RPA1: variants seen among roughly 807,000 people sequenced by gnomAD.
The protein encoded by RPA1 is replication protein A1, also known as replication protein A 70 kDa DNA-binding subunit.
In RPA1, 49 loss-of-function variants were observed where a neutral mutation model predicts 83.0. The observed-to-expected ratio is 0.59, with a 90% CI of 0.47 to 0.75. The LOEUF (loss-of-function observed/expected upper bound fraction) is 0.75, where lower values mean the gene tolerates loss of function less well. Ranked by LOEUF, RPA1 falls within the 30% of genes least tolerant of loss-of-function variation. The pLI is 0.00. For synonymous variants in RPA1, 279 were observed against 281.8 expected, an observed-to-expected ratio of 0.99 and a Z score of 0.10; for missense variants, 693 against 776.1, an observed-to-expected ratio of 0.89 and a Z score of 1.27.
At chr17:1,866,819 G>T (rs181381850) in intron 5 of RPA1, among the ~76,000 whole-genome samples, 19 of 152,362 alleles carry the variant, frequency 1.2e-4, no homozygotes, top group Middle Eastern at 3.4e-3. Context: ...ACTGTTGTGG[G>T]TTCTTGATTT....
chr17:1,856,590 ACT>A (rs1312553880), intron 5 of RPA1, among the ~76,000 whole-genome samples: 3 of 151,740 alleles, frequency 2.0e-5, no homozygotes, highest in South Asian at 4.2e-4. Context: ...ACAGAATGAG[ACT>A]CTGTCTCAAA....
At chr17:1,876,573 ATAAAG>A (rs1401428327) in intron 7 of RPA1, among the ~76,000 whole-genome samples, 1 of 152,228 alleles carries the variant, frequency 6.6e-6, no homozygotes, top group Non-Finnish European at 1.5e-5. Context: ...AATAAACAAA[ATAAAG>A]TAATTTGAAT....
rs576133430 is a variant in RPA1, at chr17:1,861,175, C to T, written c.361+7986C>T. Among the ~76,000 whole-genome samples, 63 of 152,288 alleles carry T rather than the reference C, an allele frequency of 4.1e-4. 1 individual carries two copies. In the South Asian group the frequency reaches 0.013, roughly 31 times the overall value. On this transcript the variant is annotated intron_variant, in intron 5 of 16. Transcript: ENST00000254719. ...CTCTGCTGACTACCCAGGAAACCTG[C>T]CACCCATTTCTGGAGTTCTCTGTGT...
At chr17:1,876,660 C>G (rs984578571) in intron 7 of RPA1, among the ~76,000 whole-genome samples, 1 of 152,124 alleles carries the variant, frequency 6.6e-6, no homozygotes, top group South Asian at 2.1e-4. Context: ...TACTCTGTAA[C>G]GTAGGAAAGA....
At chr17:1,867,645 A>T (rs1055528984) in intron 5 of RPA1, among the ~76,000 whole-genome samples, 1 of 152,152 alleles carries the variant, frequency 6.6e-6, no homozygotes, top group African/African-American at 2.4e-5. Flanking sequence ...CAGGAGGTCA[A>T]GGCTGCAGTG....
chr17:1,879,443 C>A, intron 10 of RPA1, 36 bp downstream of exon 10: 1 of 1,611,530 alleles, frequency 6.2e-7, no homozygotes, highest in Non-Finnish European at 8.5e-7. Context: ...GCAGGGATGA[C>A]TAGCTTTCTT....
chr17:1,839,798 T>TTG lies in RPA1; in HGVS notation c.34-3004_34-3003insGT, dbSNP rs1197215071. On this transcript the variant is annotated intron_variant, in intron 1 of 16. Transcript: ENST00000254719. ...GACTGCGCCCAGCTAGTTTTTTTTT[T>TTG]TTTTTTTTTTTTTTTGAGACAGGGC... is the stretch of plus-strand genomic sequence containing the variant. Among the ~76,000 whole-genome samples, 456 of 137,162 alleles carry TTG rather than the reference T, an allele frequency of 3.3e-3. 6 individuals are homozygous for TTG. The highest frequency in any genetic ancestry group is 0.013 in the African/African-American group (438 of 32,528). The allele number at this position is 137,162 out of a possible 152,430, so 90.0% of individuals were successfully genotyped here. A position where few individuals can be genotyped will look rare whatever the true frequency, so the allele number is the denominator to read the frequency against.
At position 1,874,024 on chromosome 17, in the gene RPA1, T is replaced by TAC. The variant is rs1364758006; in HGVS notation, c.454+1499_454+1500insCA. Among the ~76,000 whole-genome samples the TAC allele has an allele frequency of 6.4e-3, 711 of 111,056 alleles. 5 individuals carry two copies. The highest frequency in any genetic ancestry group is 8.9e-3 in the Non-Finnish European group (522 of 58,630). The allele number at this position is 111,056 out of a possible 152,430, so 72.9% of individuals were successfully genotyped here. A position where few individuals can be genotyped will look rare whatever the true frequency, so the allele number is the denominator to read the frequency against. On this transcript the variant is annotated intron_variant, in intron 6 of 16. Transcript: ENST00000254719. Reference sequence around the variant, plus strand: ...AAAAAAAAAAAAAAATATATATATATATATATATACACACACACACACACA... The same window carrying TAC: ...AAAAAAAAAAAAAAATATATATATATACATATATATACACACACACACACACA...
chr17:1,891,880 G>A lies in RPA1; in HGVS notation c.1599G>A (p.Gln533=), dbSNP rs1914216023. The A allele has an allele frequency of 6.2e-7, 1 of 1,607,682 alleles. No homozygotes were observed. The highest frequency in any genetic ancestry group is 1.3e-5 in the African/African-American group (1 of 74,832). ...AGAATCAGTGGGTGACTTGTTTCCA[G>A]GAGTCTGCTGAAGCTATCCTTGGAC... The part of the protein sequence containing the change: ...FQENQWVTCF[Q]ESAEAILGQN... Residue 533 remains glutamine, a synonymous_variant, in exon 15 of 17, where the codon CAG becomes CAA. Transcript: ENST00000254719.
chr17:1,857,880 A>G (rs528733698), intron 5 of RPA1, among the ~76,000 whole-genome samples: 2 of 148,322 alleles, frequency 1.3e-5, no homozygotes, highest in East Asian at 3.9e-4. Context: ...TCCACTATTA[A>G]GGTCTACCAG....
intron 1 of RPA1, among the ~76,000 whole-genome samples, chr17:1,838,660 T>C (rs575907783): frequency 7.2e-5 from 11 of 152,210 alleles, no homozygotes; most frequent in Admixed American, 5.2e-4. Context: ...ACAAATCTTT[T>C]ATGCTGTGTT....
chr17:1,847,952 G>A (rs954420899), intron 4 of RPA1, among the ~76,000 whole-genome samples: 2 of 152,042 alleles, frequency 1.3e-5, no homozygotes, highest in Non-Finnish European at 1.5e-5. Flanking sequence ...GAACCCAAGA[G>A]GCGGAGGTTG....
rs147967198 is a variant in RPA1, at chr17:1,880,126, G to A, written c.1093-417G>A. ...AGGATGGGGCCTTCAGCACACACAG[G>A]AGGAGCTCCTGGGGTTGGCGGAGGG... On this transcript the variant is annotated intron_variant, in intron 11 of 16. Coordinates refer to ENST00000254719, the MANE Select transcript of RPA1 (RefSeq NM_002945.5). Among the ~76,000 whole-genome samples, 46 of 151,324 alleles carry A rather than the reference G, an allele frequency of 3.0e-4. No homozygotes were observed. The East Asian group carries it at 9.1e-3, about 30-fold the overall frequency.
chr17:1,830,643 C>G (rs7219973), intron 1 of RPA1: 7,004 of 152,840 alleles, frequency 0.046, 556 homozygotes, highest in African/African-American at 0.16. Flanking sequence ...TCAGGTCACA[C>G]CCTCTTCCTT....
At chr17:1,858,168 A>G (rs1912790214) in intron 5 of RPA1, 1 of 1,613,988 alleles carries the variant, frequency 6.2e-7, no homozygotes, top group Non-Finnish European at 8.5e-7. Flanking sequence ...CATTCCAGGT[A>G]TGATACATGA....
intron 6 of RPA1, among the ~76,000 whole-genome samples, chr17:1,874,010 A>C (rs75656763): frequency 9.9e-6 from 1 of 100,964 alleles, no homozygotes; most frequent in Admixed American, 1.1e-4. Context: ...AAAAAAAAAA[A>C]AAATATATAT....
intron 5 of RPA1, chr17:1,858,444 C>T (rs1912803802): frequency 2.9e-6 from 4 of 1,388,814 alleles, no homozygotes; most frequent in Non-Finnish European, 3.1e-6. Context: ...ACAGCGCAGC[C>T]ATCTTGGGTT....
At chr17:1,888,903 C>A (rs756129130) in intron 14 of RPA1, 52 bp downstream of exon 14, 2 of 1,567,346 alleles carry the variant, frequency 1.3e-6, no homozygotes, top group Admixed American at 1.7e-5. Context: ...GAGGCCCTCC[C>A]GTGTGCCAGG....
chr17:1,894,029 GTTT>G (rs5818841), intron 15 of RPA1, among the ~76,000 whole-genome samples: 61 of 127,574 alleles, frequency 4.8e-4, no homozygotes, highest in Non-Finnish European at 3.6e-4. Flanking sequence ...CCTGGCTTAA[GTTT>G]TTTTTTTTTT....
Sources: gnomAD v4.1 joint callset for allele counts (sites outside exome capture counted in the v4.1 genomes callset) on GRCh38, gnomAD v4.1.1 for gene constraint, MANE v1.5 for transcripts, NCBI Gene and HGNC (gene_info 2026-07-23, HGNC 2026-07-21) for gene names.